Variants in ANKRD30BL observed in about 807,000 individuals in gnomAD.
ANKRD30BL encodes putative ankyrin repeat domain-containing protein 30B-like.
ANKRD30BL carries 20 observed loss-of-function variants against 18.4 expected under a neutral mutation model. That is an observed-to-expected ratio of 1.09 (90% CI 0.77 to 1.58). The LOEUF (loss-of-function observed/expected upper bound fraction) is 1.58. Among genes scored for constraint, ANKRD30BL ranks in the 40% most tolerant of loss-of-function variants. ANKRD30BL has a pLI of 0.00. For missense variants in ANKRD30BL, 224 were observed against 268.6 expected (o/e 0.83, Z 1.16); for synonymous variants, 72 against 100.9 (o/e 0.71, Z 1.72).
intron 1 of ANKRD30BL, among the ~76,000 whole-genome samples, chr2:132,229,330 G>A (rs898610970): frequency 2.6e-5 from 4 of 152,038 alleles, no homozygotes; most frequent in Admixed American, 2.6e-4. Flanking sequence ...TTTATAATGT[G>A]TGCATTCATC....
chr2:132,179,106 G>A (rs572232943), intron 1 of ANKRD30BL, among the ~76,000 whole-genome samples: 82 of 151,924 alleles, frequency 5.4e-4, no homozygotes, highest in African/African-American at 1.9e-3. Context: ...TCCTAGTGAT[G>A]TCATTGTCAA....
intron 1 of ANKRD30BL, among the ~76,000 whole-genome samples, chr2:132,220,299 C>G (rs1436498782): frequency 7.0e-6 from 1 of 143,122 alleles, no homozygotes; most frequent in African/African-American, 2.6e-5. Context: ...TCTCCCTCTC[C>G]CTGTCCCTCT....
chr2:132,221,421 G>A (rs1679678027), intron 1 of ANKRD30BL, among the ~76,000 whole-genome samples: 1 of 136,864 alleles, frequency 7.3e-6, no homozygotes, highest in Non-Finnish European at 1.5e-5. Context: ...GGGAGGTGGG[G>A]GGATCAGCCC....
chr2:132,179,370 C>T (rs997695484), intron 1 of ANKRD30BL, among the ~76,000 whole-genome samples: 1 of 151,272 alleles, frequency 6.6e-6, no homozygotes, highest in Non-Finnish European at 1.5e-5. Context: ...CTCACTGCAA[C>T]CTCCACCTCC....
chr2:132,153,108 T>C (rs375526420), intron 4 of ANKRD30BL, among the ~76,000 whole-genome samples: 1 of 152,128 alleles, frequency 6.6e-6, no homozygotes, highest in Non-Finnish European at 1.5e-5. Context: ...GATGCAGCAA[T>C]AGAATCAATG....
chr2:132,238,622 A>AT (rs1680227194), intron 1 of ANKRD30BL, among the ~76,000 whole-genome samples: 1 of 152,150 alleles, frequency 6.6e-6, no homozygotes, highest in East Asian at 1.9e-4. Flanking sequence ...ATCTCTTCCC[A>AT]TAAAAACTAG....
chr2:132,213,573 G>GA lies in ANKRD30BL; in HGVS notation n.441+43955dup, dbSNP rs2104760564. Among the ~76,000 whole-genome samples the GA allele has an allele frequency of 2.0e-5, 3 of 152,372 alleles. No individual in the cohort carries two copies. In the South Asian group the frequency reaches 6.2e-4, roughly 32 times the overall value. On this transcript the variant is annotated intron_variant and non_coding_transcript_variant, in intron 1 of 4. Coordinates refer to the ANKRD30BL transcript ENST00000470729. ...ACCATACTTTTGATTGAGCAGCTTT[G>GA]AAAAACTCTTTTTTAGACTCTGCAA...
chr2:132,160,713 C>A (rs1374608246), intron 1 of ANKRD30BL, among the ~76,000 whole-genome samples: 1 of 152,016 alleles, frequency 6.6e-6, no homozygotes, highest in African/African-American at 2.4e-5. Flanking sequence ...CAGGCATGAT[C>A]CACCGCGCCT....
chr2:132,152,361 T>G (rs1687783248), intron 4 of ANKRD30BL: 1 of 152,192 alleles, frequency 6.6e-6, no homozygotes, highest in Non-Finnish European at 1.5e-5. Flanking sequence ...AATCCTTACT[T>G]TTATACGTGA....
chr2:132,168,820 A>C (rs1204768678), intron 1 of ANKRD30BL, among the ~76,000 whole-genome samples: 1 of 151,130 alleles, frequency 6.6e-6, no homozygotes, highest in Non-Finnish European at 1.5e-5. Flanking sequence ...GTATACATAC[A>C]TTACATCATA....
chr2:132,222,043 CGGG>C (rs763901690), intron 1 of ANKRD30BL, among the ~76,000 whole-genome samples: 2 of 44,474 alleles, frequency 4.5e-5, no homozygotes, highest in Admixed American at 2.1e-4. Context: ...GGGAGGGAGG[CGGG>C]GGGGGGGGTC....
intron 1 of ANKRD30BL, among the ~76,000 whole-genome samples, chr2:132,239,604 A>G (rs547447479): frequency 0.011 from 1,634 of 151,904 alleles, 29 homozygotes; most frequent in African/African-American, 0.037. Flanking sequence ...GGATATGTGG[A>G]TAGCTTTGAG....
chr2:132,222,831 A>AT (rs1409152308), intron 1 of ANKRD30BL, among the ~76,000 whole-genome samples: 80 of 110,898 alleles, frequency 7.2e-4, no homozygotes, highest in African/African-American at 2.7e-3. Context: ...AGAATGATCA[A>AT]TAAAAAAAAA....
At chr2:132,179,630 A>G (rs1202395374) in intron 1 of ANKRD30BL, among the ~76,000 whole-genome samples, 1 of 152,158 alleles carries the variant, frequency 6.6e-6, no homozygotes, top group Non-Finnish European at 1.5e-5. Context: ...ATTAAAAAAG[A>G]AAAAGAAAAC....
In ANKRD30BL at chr2:132,191,904, G is replaced by T. The variant is rs1260634682; in HGVS notation, n.442-34758C>A. 7.9e-5 allele frequency among the ~76,000 whole-genome samples: 12 copies of T among 151,978 alleles called. 1 individual carries two copies. The highest frequency in any genetic ancestry group is 2.9e-4 in the African/African-American group (12 of 41,456). On this transcript the variant is annotated intron_variant and non_coding_transcript_variant, in intron 1 of 4. Coordinates refer to the ANKRD30BL transcript ENST00000470729. ...CTACAGGCTCTCACCACCACGCCTGGCTAATTTTTTTGTATATTTTTAGTA... is the reference window on the plus strand; with the variant it reads ...CTACAGGCTCTCACCACCACGCCTGTCTAATTTTTTTGTATATTTTTAGTA...
At chr2:132,243,190 G>A (rs1358385734) in intron 1 of ANKRD30BL, among the ~76,000 whole-genome samples, 3 of 151,458 alleles carry the variant, frequency 2.0e-5, no homozygotes, top group Non-Finnish European at 4.4e-5. Context: ...CATTTGGAAC[G>A]ATTTGAGATC....
At position 132,212,121 on chromosome 2, in the gene ANKRD30BL, G is replaced by A. The variant is rs533823142; in HGVS notation, n.441+45408C>T. ...CAGAGGCATTTTGAGAAGCTCCTTT[G>A]TGATGTGTGCATTCATCTCACAGTG... On this transcript the variant is annotated intron_variant and non_coding_transcript_variant, in intron 1 of 4. Transcript: ENST00000470729. Among the ~76,000 whole-genome samples, 89 of 151,898 alleles carry A rather than the reference G, an allele frequency of 5.9e-4. 1 individual carries two copies. The East Asian group carries it at 0.01, about 17-fold the overall frequency.
At chr2:132,203,949 T>C (rs926752980) in intron 1 of ANKRD30BL, among the ~76,000 whole-genome samples, 1 of 152,176 alleles carries the variant, frequency 6.6e-6, no homozygotes, top group African/African-American at 2.4e-5. Context: ...CACATATTGA[T>C]ACCAATCATT....
intron 1 of ANKRD30BL, among the ~76,000 whole-genome samples, chr2:132,175,658 A>G (rs1261462710): frequency 1.3e-5 from 2 of 152,228 alleles, no homozygotes; most frequent in Non-Finnish European, 2.9e-5. Flanking sequence ...ATTTCAGACT[A>G]TCACATGTGG....
Sources: allele counts gnomAD v4.1 joint callset (sites outside exome capture counted in the v4.1 genomes callset), GRCh38; gene constraint gnomAD v4.1.1; transcripts MANE v1.5; gene names NCBI Gene and HGNC (gene_info 2026-07-23, HGNC 2026-07-21).